PHC3: variants seen among roughly 807,000 people sequenced by gnomAD.
PHC3 encodes polyhomeotic-like protein 3.
In PHC3, 13 loss-of-function variants were observed where a neutral mutation model predicts 107.4. The ratio of observed to expected loss-of-function variants is 0.12; its 90% CI spans 0.08 to 0.19. The LOEUF is 0.19. Ranked by LOEUF, PHC3 falls within the 10% of genes least tolerant of loss-of-function variation. The pLI, the probability that PHC3 is intolerant of heterozygous loss-of-function variation, is 1.00. For synonymous variants in PHC3, 456 were observed against 427.4 expected (o/e 1.07, Z -0.83); for missense variants, 992 against 1,210.9 (o/e 0.82, Z 2.68).
Position 170,178,455 on chromosome 3 carries a change from T to C in PHC3, c.180+318A>G, listed in dbSNP as rs374331444. Reference sequence around the variant, plus strand: ...CGACTAAAGGAAATTTTAAAAGGGCTTGAGGCTGCAAATTTGGTATCTTGC... The same window carrying C: ...CGACTAAAGGAAATTTTAAAAGGGCCTGAGGCTGCAAATTTGGTATCTTGC... On this transcript the variant is annotated intron_variant, in intron 2 of 14. Transcript: ENST00000495893. Among the ~76,000 whole-genome samples the C allele has an allele frequency of 4.3e-4, 65 of 152,356 alleles. 1 individual carries two copies. The South Asian group carries it at 0.013, about 32-fold the overall frequency.
rs1051003719 is a variant in PHC3, at chr3:170,095,924, C to T, written c.*1306G>A. On this transcript the variant is annotated 3_prime_UTR_variant, in exon 15 of 15. Coordinates refer to ENST00000495893, the MANE Select transcript of PHC3 (RefSeq NM_024947.4). The stretch of plus-strand genomic sequence containing the variant: ...AAGTGCTTTGCAGGAAGCATGCAAA[C>T]GTTTGGTAAAGGAAGTAGGAATGTG... 1 of 152,052 alleles carries T rather than the reference C, an allele frequency of 6.6e-6. No individual in the cohort carries two copies. The highest frequency in any genetic ancestry group is 1.9e-4 in the East Asian group (1 of 5,194). 9.4% of individuals were successfully genotyped at this position (152,052 alleles called of 1,614,324 possible). A position where few individuals can be genotyped will look rare whatever the true frequency, so the allele number is the denominator to read the frequency against.
intron 7 of PHC3, among the ~76,000 whole-genome samples, chr3:170,131,134 C>A (rs1722200074): frequency 8.7e-6 from 1 of 115,184 alleles, no homozygotes; most frequent in African/African-American, 3.3e-5. Context: ...CAATAAATAT[C>A]CACTAATTGT....
intron 4 of PHC3, among the ~76,000 whole-genome samples, chr3:170,153,839 C>A (rs143069288): frequency 0.012 from 1,849 of 152,160 alleles, 39 homozygotes; most frequent in African/African-American, 0.042. Context: ...ATCTCCTCCC[C>A]CTCCACACAC....
Position 170,093,108 on chromosome 3 carries a change from T to TA in PHC3, c.*4121dup, listed in dbSNP as rs1479919366. On this transcript the variant is annotated 3_prime_UTR_variant, in exon 15 of 15. Transcript: ENST00000495893. Reference sequence around the variant, plus strand: ...CTAGTTACATATGTAGTACACAAGATAGAGATTGAGCAATCATTTTGCATA... The same window carrying TA: ...CTAGTTACATATGTAGTACACAAGATAAGAGATTGAGCAATCATTTTGCATA... 6.6e-6 allele frequency: 1 copy of TA among 152,154 alleles called. No homozygotes were observed. The highest frequency in any genetic ancestry group is 6.6e-5 in the Admixed American group (1 of 15,254). 9.4% of individuals were successfully genotyped at this position (152,154 alleles called of 1,614,324 possible).
chr3:170,151,738 T>C (rs1726019143), intron 4 of PHC3, among the ~76,000 whole-genome samples: 1 of 152,206 alleles, frequency 6.6e-6, no homozygotes, highest in South Asian at 2.1e-4. Context: ...GCCCTGCTCC[T>C]AGTGGAGGCA....
rs34723640 is a variant in PHC3 at position 170,148,884 on chromosome 3, T to C, written c.573+202A>G. On this transcript the variant is annotated intron_variant, in intron 5 of 14. Coordinates refer to ENST00000495893, the MANE Select transcript of PHC3 (RefSeq NM_024947.4). ...TAGCTTCTCAATGTAATAATTACTA[T>C]TTGATACCAAGAAGACCTATTAATT... 4,835 of 491,026 alleles carry C rather than the reference T, an allele frequency of 9.8e-3. 39 individuals are homozygous for C. Among genetic ancestry groups the C allele is most frequent in the Middle Eastern group, 0.023 (41 of 1,796 alleles). The allele number at this position is 491,026 out of a possible 1,614,324, so 30.4% of individuals were successfully genotyped here. A position where few individuals can be genotyped will look rare whatever the true frequency, so the allele number is the denominator to read the frequency against.
intron 11 of PHC3, among the ~76,000 whole-genome samples, chr3:170,111,258 AGAAGAAGGAAG>A (rs1160409423): frequency 1.9e-4 from 26 of 139,702 alleles, no homozygotes; most frequent in East Asian, 8.4e-4. Flanking sequence ...CTTTAAAACA[AGAAGAAGGAAG>A]GAAGGAAGGA....
intron 4 of PHC3, among the ~76,000 whole-genome samples, chr3:170,157,105 G>A (rs1577201362): frequency 6.6e-6 from 1 of 152,144 alleles, no homozygotes; most frequent in East Asian, 1.9e-4. Flanking sequence ...AATTTAAAAT[G>A]TCCAGCAACA....
intron 6 of PHC3, among the ~76,000 whole-genome samples, chr3:170,143,207 A>T (rs759327956): frequency 6.6e-6 from 1 of 152,174 alleles, no homozygotes; most frequent in Non-Finnish European, 1.5e-5. Context: ...AAATCAATCA[A>T]TTAATTTAAA....
intron 9 of PHC3, among the ~76,000 whole-genome samples, chr3:170,118,045 T>C (rs529199586): frequency 3.9e-5 from 6 of 152,170 alleles, no homozygotes; most frequent in Non-Finnish European, 8.8e-5. Flanking sequence ...CCATGAGACA[T>C]GAAAATGTTT....
At chr3:170,117,842 ACC>A (rs1267354935) in intron 9 of PHC3, among the ~76,000 whole-genome samples, 3 of 148,842 alleles carry the variant, frequency 2.0e-5, no homozygotes, top group African/African-American at 7.5e-5. Flanking sequence ...TAAAAAAAAA[ACC>A]AAAAAAAAAA....
At chr3:170,152,524 A>T (rs1156403260) in intron 4 of PHC3, among the ~76,000 whole-genome samples, 1 of 151,508 alleles carries the variant, frequency 6.6e-6, no homozygotes, top group East Asian at 1.9e-4. Flanking sequence ...CACATCACTG[A>T]AATCACCTTA....
chr3:170,103,675 G>A (rs1210974230), intron 12 of PHC3, among the ~76,000 whole-genome samples: 1 of 152,150 alleles, frequency 6.6e-6, no homozygotes, highest in Non-Finnish European at 1.5e-5. Flanking sequence ...AGGACTAGAT[G>A]GTAAATATTT....
intron 7 of PHC3, among the ~76,000 whole-genome samples, chr3:170,134,712 T>C (rs1487596234): frequency 3.9e-5 from 6 of 152,118 alleles, no homozygotes; most frequent in Non-Finnish European, 1.5e-5. Flanking sequence ...GCTGTCAAGA[T>C]ACAAGGATGA....
chr3:170,112,531 T>A (rs1014392878), intron 11 of PHC3, among the ~76,000 whole-genome samples: 1 of 148,684 alleles, frequency 6.7e-6, no homozygotes, highest in Non-Finnish European at 1.5e-5. Flanking sequence ...CCTATTTTTT[T>A]TTTTTTTTTT....
At chr3:170,144,669 G>C (rs1724665484) in intron 6 of PHC3, among the ~76,000 whole-genome samples, 1 of 152,092 alleles carries the variant, frequency 6.6e-6, no homozygotes, top group African/African-American at 2.4e-5. Flanking sequence ...CTTCATTTCA[G>C]CCATTCTAGT....
chr3:170,114,008 A>G (rs775812138), intron 10 of PHC3, among the ~76,000 whole-genome samples: 18 of 151,832 alleles, frequency 1.2e-4, no homozygotes, highest in Admixed American at 3.3e-4. Flanking sequence ...TTTTTCCTTT[A>G]TAAATTTTAG....
chr3:170,136,041 A>G (rs1405755425), intron 7 of PHC3, among the ~76,000 whole-genome samples: 1 of 152,214 alleles, frequency 6.6e-6, no homozygotes, highest in Non-Finnish European at 1.5e-5. Flanking sequence ...TCTCCCACTG[A>G]TAACAACTTT....
intron 1 of PHC3, 70 bp from the exon 2 acceptor site, chr3:170,179,008 CA>C: frequency 7.1e-7 from 1 of 1,404,662 alleles, no homozygotes; most frequent in South Asian, 1.3e-5. Flanking sequence ...ATATTCATTC[CA>C]AAGAAATAAT....
Sources: allele counts gnomAD v4.1 joint callset (sites outside exome capture counted in the v4.1 genomes callset), GRCh38; gene constraint gnomAD v4.1.1; transcripts MANE v1.5; gene names NCBI Gene and HGNC (gene_info 2026-07-23, HGNC 2026-07-21).